The following RERG variants were observed in gnomAD, a reference collection of about 807,000 sequenced individuals.
RERG encodes the protein ras-related and estrogen-regulated growth inhibitor.
Under a neutral mutation model 23.2 loss-of-function variants are expected in RERG, and 25 were observed. The ratio of observed to expected loss-of-function variants is 1.08; its 90% CI spans 0.79 to 1.50. The LOEUF is 1.50. Ranked by LOEUF, RERG falls within the 40% of genes most tolerant of loss-of-function variation. The pLI is 0.00. For synonymous variants in RERG, 81 were observed against 89.1 expected, an observed-to-expected ratio of 0.91 and a Z score of 0.51; for missense variants, 253 against 250.1, an observed-to-expected ratio of 1.01 and a Z score of -0.08.
At chr12:15,203,833 A>T (rs540053432) in intron 2 of RERG, among the ~76,000 whole-genome samples, 14 of 151,804 alleles carry the variant, frequency 9.2e-5, no homozygotes, top group Admixed American at 1.3e-4. Flanking sequence ...AAAAAGAATA[A>T]AAAACTTGGG....
chr12:15,148,297 G>T (rs1864367698), intron 2 of RERG, among the ~76,000 whole-genome samples: 1 of 152,216 alleles, frequency 6.6e-6, no homozygotes, highest in Admixed American at 6.5e-5. Flanking sequence ...GACTGGCCAT[G>T]ATGGGGACTT....
chr12:15,109,340 G>A lies in RERG; in HGVS notation c.370C>T (p.His124Tyr). 2 of 1,614,024 alleles carry A rather than the reference G, an allele frequency of 1.2e-6. No individual in the cohort carries two copies. Among genetic ancestry groups the A allele is most frequent in the Non-Finnish European group, 1.7e-6 (2 of 1,180,016 alleles). ...TCTTCTGTGCTAACCTGCCTGGAGTGGTCCAAGTCAGCTTTGTTTCCAACC... is the reference window on the plus strand; with the variant it reads ...TCTTCTGTGCTAACCTGCCTGGAGTAGTCCAAGTCAGCTTTGTTTCCAACC... ...ILVGNKADLD[H>Y]SRQVSTEEGE... Residue 124 changes from histidine (H) to tyrosine (Y), a missense_variant, in exon 5 of 5, where the codon CAC becomes TAC. Transcript: ENST00000256953.
At chr12:15,138,047 G>T in intron 2 of RERG, 5 of 251,156 alleles carry the variant, frequency 2.0e-5, no homozygotes, top group South Asian at 4.3e-5. Context: ...ATTCTAGGTC[G>T]GTGGATTTTC....
chr12:15,158,960 T>C (rs760031074), intron 2 of RERG, among the ~76,000 whole-genome samples: 10 of 152,356 alleles, frequency 6.6e-5, no homozygotes, highest in East Asian at 1.9e-4. Context: ...TCTGAAACTA[T>C]GTAAATATCC....
At chr12:15,191,297 T>A in intron 2 of RERG, among the ~76,000 whole-genome samples, 1 of 152,150 alleles carries the variant, frequency 6.6e-6, no homozygotes, top group East Asian at 1.9e-4. Context: ...CAGTAAATCC[T>A]TTCTCTCCCT....
intron 2 of RERG, among the ~76,000 whole-genome samples, chr12:15,199,938 T>A (rs1865194232): frequency 6.6e-6 from 1 of 152,042 alleles, no homozygotes; most frequent in African/African-American, 2.4e-5. Context: ...AAAAAAATTA[T>A]TTTACAGTAA....
intron 2 of RERG, among the ~76,000 whole-genome samples, chr12:15,198,569 T>C (rs1485358659): frequency 1.3e-5 from 2 of 152,192 alleles, no homozygotes; most frequent in Non-Finnish European, 2.9e-5. Flanking sequence ...CCACATTCAA[T>C]TTTTATGTAT....
At chr12:15,167,468 C>T (rs11056384) in intron 2 of RERG, among the ~76,000 whole-genome samples, 5 of 152,006 alleles carry the variant, frequency 3.3e-5, no homozygotes, top group South Asian at 2.1e-4. Context: ...CTGATTCAGT[C>T]GGTCTAGGGT....
intron 3 of RERG, among the ~76,000 whole-genome samples, chr12:15,118,618 G>A (rs1439990607): frequency 6.6e-6 from 1 of 152,106 alleles, no homozygotes; most frequent in Non-Finnish European, 1.5e-5. Context: ...GCATGAGGTG[G>A]TTTCTCATGG....
At chr12:15,188,468 A>G (rs1026693757) in intron 2 of RERG, among the ~76,000 whole-genome samples, 2 of 152,172 alleles carry the variant, frequency 1.3e-5, no homozygotes, top group African/African-American at 4.8e-5. Flanking sequence ...ATCCCCAAAG[A>G]GGAGGCAGCA....
chr12:15,156,906 T>C (rs1467345819), intron 2 of RERG, among the ~76,000 whole-genome samples: 3 of 152,192 alleles, frequency 2.0e-5, no homozygotes, highest in Non-Finnish European at 4.4e-5. Flanking sequence ...ATAAAAATAG[T>C]GCCTATCTCA....
intron 2 of RERG, among the ~76,000 whole-genome samples, chr12:15,175,718 T>C (rs1043909143): frequency 2.4e-4 from 37 of 152,148 alleles, no homozygotes; most frequent in Non-Finnish European, 1.0e-4. Flanking sequence ...CTTTAACATA[T>C]GTTGTGAATC....
intron 2 of RERG, among the ~76,000 whole-genome samples, chr12:15,204,777 C>G (rs1170738251): frequency 6.6e-6 from 1 of 151,736 alleles, no homozygotes; most frequent in Non-Finnish European, 1.5e-5. Flanking sequence ...AGCTAAATTG[C>G]ACATAACACA....
intron 2 of RERG, among the ~76,000 whole-genome samples, chr12:15,165,769 A>G (rs1169685451): frequency 6.6e-6 from 1 of 152,188 alleles, no homozygotes. Context: ...CACATTTTTA[A>G]ATTCCCTGAA....
chr12:15,121,350 T>C (rs1367560267), intron 2 of RERG, among the ~76,000 whole-genome samples: 1 of 152,154 alleles, frequency 6.6e-6, no homozygotes, highest in Non-Finnish European at 1.5e-5. Context: ...TAGTCAACAA[T>C]TAGATTTGTT....
chr12:15,110,700 G>A (rs184948298), intron 4 of RERG, among the ~76,000 whole-genome samples: 3 of 151,828 alleles, frequency 2.0e-5, no homozygotes, highest in African/African-American at 7.2e-5. Context: ...GGATGGTCTC[G>A]ATCTCCTGTC....
rs367739641 is a variant in RERG at position 15,132,560 on chromosome 12, T to G, written c.62-11441A>C. Among the ~76,000 whole-genome samples the G allele has an allele frequency of 2.8e-3, 426 of 152,290 alleles. 10 individuals carry two copies. The South Asian group carries it at 0.055, about 20-fold the overall frequency. On this transcript the variant is annotated intron_variant, in intron 2 of 4. Coordinates refer to ENST00000256953, the MANE Select transcript of RERG (RefSeq NM_032918.3). ...CAAATCAGTTGGGTAAAGATTTAGA[T>G]GTGTGATGGCTGGATTATGGTAAGA...
intron 2 of RERG, among the ~76,000 whole-genome samples, chr12:15,209,249 C>T (rs1210136836): frequency 2.6e-5 from 4 of 152,122 alleles, no homozygotes; most frequent in African/African-American, 9.7e-5. Context: ...TTGTATCAGA[C>T]TTGTAATTTT....
intron 2 of RERG, among the ~76,000 whole-genome samples, chr12:15,205,152 T>C (rs1253286229): frequency 6.6e-6 from 1 of 151,954 alleles, no homozygotes; most frequent in Non-Finnish European, 1.5e-5. Flanking sequence ...ATACTATCAC[T>C]GGCTGATTTT....
Sources: allele counts gnomAD v4.1 joint callset (sites outside exome capture counted in the v4.1 genomes callset), GRCh38; gene constraint gnomAD v4.1.1; transcripts MANE v1.5; gene names NCBI Gene and HGNC (gene_info 2026-07-23, HGNC 2026-07-21).